Variants in PHIP observed in about 807,000 individuals in gnomAD.
PHIP encodes PHIP subunit of CUL4-Ring ligase complex.
A neutral mutation model predicts 236.8 loss-of-function variants in PHIP; 54 were observed. The ratio of observed to expected loss-of-function variants is 0.23; its 90% CI spans 0.18 to 0.29. PHIP has a LOEUF of 0.29. Among genes scored for constraint, PHIP ranks in the 10% least tolerant of loss-of-function variants. The pLI is 1.00. For synonymous variants in PHIP, 756 were observed against 718.9 expected (o/e 1.05, Z -0.83); for missense variants, 1,370 against 2,190.8 (o/e 0.63, Z 7.48).
At position 79,025,281 on chromosome 6, in the gene PHIP, G is replaced by T. The variant is rs144037700; in HGVS notation, c.923+238C>A. The stretch of plus-strand genomic sequence containing the variant: ...GTAATAAAACAGGTAAATGCTGAAG[G>T]AAAGAGCTAGGATTAGGATAAAGAG... On this transcript the variant is annotated intron_variant, in intron 9 of 39. Coordinates refer to ENST00000275034, the MANE Select transcript of PHIP (RefSeq NM_017934.7). 6.7e-4 allele frequency among the ~76,000 whole-genome samples: 97 copies of T among 144,082 alleles called. 1 individual carries two copies. In the South Asian group the frequency reaches 9.1e-3, roughly 13 times the overall value. 94.5% of individuals were successfully genotyped at this position (144,082 alleles called of 152,430 possible).
intron 17 of PHIP, among the ~76,000 whole-genome samples, chr6:78,998,764 T>C (rs944569292): frequency 6.6e-6 from 1 of 152,168 alleles, no homozygotes; most frequent in Non-Finnish European, 1.5e-5. Flanking sequence ...TCCACTTAGA[T>C]CATGGTTTCT....
chr6:79,046,221 G>A (rs1445143022), intron 6 of PHIP, among the ~76,000 whole-genome samples: 4 of 152,108 alleles, frequency 2.6e-5, no homozygotes, highest in East Asian at 1.9e-4. Flanking sequence ...TGCACTGGCT[G>A]TTCCCTCTTC....
In PHIP at chr6:78,936,529, C is replaced by T. The variant is rs1466964670; in HGVS notation, c.*4164G>A. On this transcript the variant is annotated 3_prime_UTR_variant, in exon 40 of 40. Coordinates refer to ENST00000275034, the MANE Select transcript of PHIP (RefSeq NM_017934.7). ...CTATATTCCATCTTGAACCTATTTT[C>T]TTGGCTCCTTGAATTGTAGAAACTC... 1.3e-5 allele frequency: 2 copies of T among 151,886 alleles called. No individual in the cohort carries two copies. The allele number at this position is 151,886 out of a possible 1,614,324, so 9.4% of individuals were successfully genotyped here.
intron 4 of PHIP, among the ~76,000 whole-genome samples, chr6:79,065,762 T>TA (rs1315436714): frequency 6.6e-5 from 8 of 121,282 alleles, no homozygotes; most frequent in African/African-American, 2.0e-4. Context: ...CTCTTAACTA[T>TA]ACCACACACA....
At chr6:78,997,724 C>A (rs1769713201) in intron 18 of PHIP, 127 bp from the exon 19 acceptor site, 2 of 758,692 alleles carry the variant, frequency 2.6e-6, no homozygotes, top group South Asian at 4.1e-5. Flanking sequence ...AATTAAATTA[C>A]CATATCAGGA....
chr6:78,971,730 C>T (rs1767575369), intron 24 of PHIP, among the ~76,000 whole-genome samples: 1 of 152,020 alleles, frequency 6.6e-6, no homozygotes, highest in Non-Finnish European at 1.5e-5. Context: ...CACAGGGAGT[C>T]AGGGAGTTCC....
chr6:79,047,994 T>C (rs1437363074), intron 6 of PHIP, among the ~76,000 whole-genome samples: 2 of 151,504 alleles, frequency 1.3e-5, no homozygotes, highest in Non-Finnish European at 3.0e-5. Flanking sequence ...TGGTTATATA[T>C]ACATATGTAT....
intron 7 of PHIP, among the ~76,000 whole-genome samples, chr6:79,033,439 T>C (rs1052075489): frequency 2.6e-5 from 4 of 152,210 alleles, no homozygotes; most frequent in African/African-American, 7.2e-5. Flanking sequence ...GCTAGGTCTT[T>C]TGGATAATTT....
chr6:78,985,012 A>G lies in PHIP; in HGVS notation c.2537+340T>C, dbSNP rs116184937. Among the ~76,000 whole-genome samples, 266 of 151,844 alleles carry G rather than the reference A, an allele frequency of 1.8e-3. 1 individual carries two copies. The highest frequency in any genetic ancestry group is 6.1e-3 in the African/African-American group (252 of 41,126). ...TAGTATTCCATAAATTCCACTATAT[A>G]AGATAGTTAACTCAGGAGGCTTGCA... On this transcript the variant is annotated intron_variant, in intron 22 of 39. Transcript: ENST00000275034.
rs898155690 is a variant in PHIP, at chr6:78,970,659, A to C, written c.2997+122T>G. On this transcript the variant is annotated intron_variant, in intron 25 of 39. Coordinates refer to ENST00000275034, the MANE Select transcript of PHIP (RefSeq NM_017934.7). Reference sequence around the variant, plus strand: ...ACCTCCTACTCTCTAGGACTGCTTCAATTAAACAAGGTATCTTCATGATGC... The same window carrying C: ...ACCTCCTACTCTCTAGGACTGCTTCCATTAAACAAGGTATCTTCATGATGC... 4.6e-6 allele frequency: 3 copies of C among 652,768 alleles called. No individual in the cohort carries two copies. In the Admixed American group the frequency reaches 9.4e-5, roughly 21 times the overall value. 40.4% of individuals were successfully genotyped at this position (652,768 alleles called of 1,614,324 possible).
chr6:79,007,896 G>C (rs183453187), intron 15 of PHIP, among the ~76,000 whole-genome samples: 2 of 151,952 alleles, frequency 1.3e-5, no homozygotes, highest in East Asian at 3.9e-4. Context: ...TGCCAACCTA[G>C]GGAAAAATAT....
At chr6:78,989,384 C>T (rs752323019) in intron 20 of PHIP, among the ~76,000 whole-genome samples, 7 of 152,184 alleles carry the variant, frequency 4.6e-5, no homozygotes, top group Admixed American at 2.6e-4. Context: ...ACTGTCCCAA[C>T]GCACTCTGGC....
At chr6:78,978,480 A>T in intron 24 of PHIP, 112 bp downstream of exon 24, 1 of 711,346 alleles carries the variant, frequency 1.4e-6, no homozygotes, top group Non-Finnish European at 2.2e-6. Context: ...AATATCTAGA[A>T]TGAGATACTT....
intron 6 of PHIP, among the ~76,000 whole-genome samples, chr6:79,044,489 A>T (rs1772373565): frequency 6.6e-6 from 1 of 152,180 alleles, no homozygotes; most frequent in South Asian, 2.1e-4. Context: ...TAATGCAAGA[A>T]TCACACAAAA....
At chr6:79,005,595 A>G (rs959666188) in intron 15 of PHIP, among the ~76,000 whole-genome samples, 1 of 152,036 alleles carries the variant, frequency 6.6e-6, no homozygotes, top group African/African-American at 2.4e-5. Context: ...AGTTCACTCA[A>G]AATTTCACAG....
At chr6:79,043,538 G>C (rs1772330543) in intron 6 of PHIP, among the ~76,000 whole-genome samples, 1 of 151,976 alleles carries the variant, frequency 6.6e-6, no homozygotes, top group Non-Finnish European at 1.5e-5. Context: ...ATTAAACTGG[G>C]AATCTTGCCA....
intron 7 of PHIP, among the ~76,000 whole-genome samples, chr6:79,032,986 C>T (rs1336455983): frequency 6.6e-6 from 1 of 152,172 alleles, no homozygotes; most frequent in East Asian, 1.9e-4. Flanking sequence ...ACAACACTAA[C>T]CACCTTGTAT....
intron 9 of PHIP, among the ~76,000 whole-genome samples, chr6:79,023,777 T>C (rs1318592461): frequency 6.6e-6 from 1 of 152,136 alleles, no homozygotes; most frequent in Non-Finnish European, 1.5e-5. Flanking sequence ...AAACATGAAA[T>C]GTTATTGTAC....
chr6:79,059,207 T>C (rs545232219), intron 6 of PHIP, among the ~76,000 whole-genome samples: 1 of 152,106 alleles, frequency 6.6e-6, no homozygotes, highest in African/African-American at 2.4e-5. Flanking sequence ...ACGAAGCAGA[T>C]AAAGTGTTTA....
Sources: allele counts gnomAD v4.1 joint callset (sites outside exome capture counted in the v4.1 genomes callset), GRCh38; gene constraint gnomAD v4.1.1; transcripts MANE v1.5; gene names NCBI Gene and HGNC (gene_info 2026-07-23, HGNC 2026-07-21).